The following PTOV1 variants were observed in gnomAD, a reference collection of about 807,000 sequenced individuals.
PTOV1 encodes prostate tumor-overexpressed gene 1 protein.
A neutral mutation model predicts 58.0 loss-of-function variants in PTOV1; 20 were observed. That is an observed-to-expected ratio of 0.34 (90% CI 0.24 to 0.50). The LOEUF (loss-of-function observed/expected upper bound fraction) is 0.50. PTOV1 is among the 20% of genes least tolerant of loss of function. The probability of loss-of-function intolerance (pLI) is 0.98; values close to 1 mark genes in which losing one functional copy is unlikely to be tolerated. For synonymous variants in PTOV1, 335 were observed against 234.2 expected (o/e 1.43, Z -3.93); for missense variants, 593 against 565.4 (o/e 1.05, Z -0.50).
At chr19:49,857,935 G>C in exon 8 of PTOV1, 2 of 1,613,914 alleles carry the variant, frequency 1.2e-6, no homozygotes, top group Non-Finnish European at 1.7e-6. Context: ...CGGTCCAAGA[G>C]GTGGCTGCCA....
chr19:49,857,656 C>G (rs977043320), intron 6 of PTOV1, 37 bp from the exon 7 acceptor site: 9 of 1,587,854 alleles, frequency 5.7e-6, no homozygotes, highest in Non-Finnish European at 7.8e-6. Flanking sequence ...TTCCCAGGAG[C>G]CTGGGCCCCT....
intron 1 of PTOV1, chr19:49,853,051 A>AAGAATCACCTGCGTGGGTGG (rs573443890): frequency 1.0e-3 from 155 of 151,534 alleles, no homozygotes; most frequent in East Asian, 7.7e-4. Context: ...TGCGTGGGTG[A>AAGAATCACCTGCGTGGGTGG]AGAATCACCT....
chr19:49,857,040 G>T (rs754859638), exon 6 of PTOV1: 4 of 1,613,968 alleles, frequency 2.5e-6, no homozygotes, highest in African/African-American at 1.3e-5. Context: ...TCCTGTACTC[G>T]TCCAAGAAGA....
At chr19:49,857,782 G>C (rs1322293451) in exon 7 of PTOV1, 1 of 1,613,988 alleles carries the variant, frequency 6.2e-7, no homozygotes, top group Non-Finnish European at 8.5e-7. Context: ...AGTGGCAGGA[G>C]GTGAGCACTC....
At chr19:49,853,174 G>A (rs1320529278) in intron 1 of PTOV1, 1 of 152,238 alleles carries the variant, frequency 6.6e-6, no homozygotes, top group African/African-American at 2.4e-5. Context: ...TGGAAGGAAA[G>A]ATCTCCTTGT....
intron 5 of PTOV1, 105 bp from the exon 6 acceptor site, chr19:49,856,870 C>T (rs1352446677): frequency 7.2e-7 from 1 of 1,391,062 alleles, no homozygotes; most frequent in African/African-American, 1.4e-5. Context: ...GGCCTCTGTC[C>T]ACCGATGATC....
chr19:49,860,351 T>C lies in PTOV1; in HGVS notation c.*72T>C, dbSNP rs779318971. ...CGCAGAGACTGGTGAGTGGTGACCC[T>C]GTCATGTACAGGAGGGACCCTGGGG... On this transcript the variant is annotated 3_prime_UTR_variant, in exon 12 of 12. Coordinates refer to ENST00000391842, the Ensembl canonical transcript of PTOV1. The C allele has an allele frequency of 2.0e-5, 25 of 1,278,512 alleles. No homozygotes were observed. In the South Asian group the frequency reaches 2.9e-4, roughly 15 times the overall value. The allele number at this position is 1,278,512 out of a possible 1,614,324, so 79.2% of individuals were successfully genotyped here.
At chr19:49,858,321 G>T in intron 9 of PTOV1, 1 of 737,400 alleles carries the variant, frequency 1.4e-6, no homozygotes, top group Non-Finnish European at 2.2e-6. Context: ...GGGACTGAGC[G>T]GGGCAGGGGC....
chr19:49,858,421 ACGTTT>A, intron 9 of PTOV1, 123 bp from the exon 10 acceptor site: 1 of 753,778 alleles, frequency 1.3e-6, no homozygotes, highest in South Asian at 1.7e-5. Flanking sequence ...GGTGGAGATG[ACGTTT>A]CCTGAGGTAG....
chr19:49,858,943 C>A, intron 10 of PTOV1: 1 of 324,420 alleles, frequency 3.1e-6, no homozygotes, highest in Admixed American at 4.4e-5. Flanking sequence ...CTTGTCACTC[C>A]TGGTTTCCCG....
At chr19:49,855,052 T>C in exon 5 of PTOV1, 1 of 1,597,256 alleles carries the variant, frequency 6.3e-7, no homozygotes, top group Non-Finnish European at 8.5e-7. Context: ...CTCAAGGGGC[T>C]CTGCCGCATC....
At chr19:49,858,687 G>C (rs746791482) in intron 10 of PTOV1, 34 bp downstream of exon 10, 14 of 1,541,062 alleles carry the variant, frequency 9.1e-6, no homozygotes, top group Non-Finnish European at 1.2e-5. Context: ...GGGAGGGGCC[G>C]GCCAGGGCAG....
chr19:49,857,257 C>T (rs780918071), intron 6 of PTOV1, 127 bp downstream of exon 6: 238 of 1,349,758 alleles, frequency 1.8e-4, no homozygotes, highest in Middle Eastern at 2.5e-4. Flanking sequence ...TGCAGGGGAG[C>T]CCGGAGGATG....
chr19:49,860,692 G>C (rs2074719108), exon 12 of PTOV1: 1 of 364,560 alleles, frequency 2.7e-6, no homozygotes, highest in Non-Finnish European at 5.0e-6. Flanking sequence ...AGGCCTCCAA[G>C]GACGGTCCCC....
At chr19:49,854,355 C>T (rs571684568) in intron 1 of PTOV1, 51 bp from the exon 2 acceptor site, 5 of 1,573,428 alleles carry the variant, frequency 3.2e-6, no homozygotes, top group African/African-American at 2.7e-5. Context: ...GACTGCCTGT[C>T]CTTGCAGGCC....
chr19:49,853,353 GT>G (rs1032487588), intron 1 of PTOV1: 3 of 152,052 alleles, frequency 2.0e-5, no homozygotes, highest in Non-Finnish European at 4.4e-5. Context: ...GATGTTTTTG[GT>G]TTTAAAAAAC....
In PTOV1 at chr19:49,857,889, C is replaced by A. The variant is rs775032819; in HGVS notation, c.805-15C>A. The A allele has an allele frequency of 6.2e-7, 1 of 1,612,932 alleles. No individual in the cohort carries two copies. The highest frequency in any genetic ancestry group is 8.5e-7 in the Non-Finnish European group (1 of 1,179,198). On this transcript the variant is annotated splice_polypyrimidine_tract_variant and intron_variant, in intron 7 of 11. Coordinates refer to ENST00000391842, the Ensembl canonical transcript of PTOV1. ...CTCCAGCCCTGAGGGCTCCTCTTTG[C>A]CTCTCCCCCAAAAGCCCAGGCCTGA... is the stretch of plus-strand genomic sequence containing the variant.
At chr19:49,852,957 ACT>A (rs568880240) in intron 1 of PTOV1, 9 of 152,120 alleles carry the variant, frequency 5.9e-5, no homozygotes, top group African/African-American at 2.2e-4. Context: ...GGCAACATCC[ACT>A]CTCTGTCCAA....
chr19:49,856,655 C>T (rs2074481470), intron 5 of PTOV1: 1 of 362,526 alleles, frequency 2.8e-6, no homozygotes. Context: ...TCTTAACCCC[C>T]AGGCCAAGTC....
Sources: allele counts gnomAD v4.1 joint callset, GRCh38; gene constraint gnomAD v4.1.1; transcripts MANE v1.5; gene names NCBI Gene and HGNC (gene_info 2026-07-23, HGNC 2026-07-21).